SLC44A2: variants seen among roughly 807,000 people sequenced by gnomAD.
The protein encoded by SLC44A2 is solute carrier family 44 member 2 (CTL2 blood group).
SLC44A2 carries 57 observed loss-of-function variants against 90.8 expected under a neutral mutation model. The ratio of observed to expected loss-of-function variants is 0.63; its 90% CI spans 0.51 to 0.78. The LOEUF is 0.78. Ranked by LOEUF, SLC44A2 falls within the 30% of genes least tolerant of loss-of-function variation. The pLI is 0.00. For missense variants in SLC44A2, 794 were observed against 919.7 expected (o/e 0.86, Z 1.77); for synonymous variants, 355 against 360.7 (o/e 0.98, Z 0.18).
chr19:10,634,610 G>A (rs2067033439), intron 10 of SLC44A2, 146 bp from the exon 11 acceptor site: 4 of 1,084,302 alleles, frequency 3.7e-6, no homozygotes, highest in South Asian at 2.9e-5. Context: ...CATGGGGAGA[G>A]AATGCACCGG....
rs1243110984 is a variant in SLC44A2 at position 10,637,902 on chromosome 19, T to C, written c.1742T>C (p.Phe581Ser). 4 of 1,614,002 alleles carry C rather than the reference T, an allele frequency of 2.5e-6. No homozygotes were observed. In the African/African-American group the frequency reaches 5.3e-5, roughly 22 times the overall value. Reference sequence around the variant, plus strand: ...TTCTGCACCTCGGCCAGGAATGCCTTCTTCCTGCTCATGAGAAACATCATC... The same window carrying C: ...TTCTGCACCTCGGCCAGGAATGCCTCCTTCCTGCTCATGAGAAACATCATC... ...TNFCTSARNA[F>S]FLLMRNIIRV... The change falls in exon 18 of 22, where the codon TTC becomes TCC. Residue 581 changes from phenylalanine to serine, a missense_variant. By Grantham distance (155) the Phe-to-Ser change is radical. Transcript: ENST00000335757.
intron 16 of SLC44A2, chr19:10,637,027 G>A: frequency 2.2e-6 from 1 of 463,614 alleles, no homozygotes; most frequent in South Asian, 2.9e-5. Context: ...GTGAATTGGA[G>A]TGGTATATAT....
chr19:10,633,989 G>A (rs865824119), intron 10 of SLC44A2, among the ~76,000 whole-genome samples: 16 of 18,912 alleles, frequency 8.5e-4, no homozygotes, highest in Non-Finnish European at 1.3e-3. Context: ...TTTTTTTTTT[G>A]AGACAGAGTC....
chr19:10,612,513 C>T (rs1193540749), intron 1 of SLC44A2, among the ~76,000 whole-genome samples: 1 of 152,204 alleles, frequency 6.6e-6, no homozygotes, highest in Admixed American at 6.6e-5. Flanking sequence ...TGTCCTCAAA[C>T]CCTTTGTCAA....
intron 1 of SLC44A2, among the ~76,000 whole-genome samples, chr19:10,615,037 G>C (rs1238132466): frequency 6.8e-6 from 1 of 147,954 alleles, no homozygotes; most frequent in Non-Finnish European, 1.5e-5. Flanking sequence ...AAAAGTAATT[G>C]CGTTTTTTTT....
chr19:10,619,564 G>C (rs760250002), intron 1 of SLC44A2, among the ~76,000 whole-genome samples: 51 of 151,886 alleles, frequency 3.4e-4, no homozygotes, highest in Admixed American at 2.1e-3. Context: ...GCCCAGGCTA[G>C]TGTTGAACTC....
At chr19:10,620,642 G>T (rs568472971), upstream of SLC44A2, among the ~76,000 whole-genome samples, 1 of 152,076 alleles carries the variant, frequency 6.6e-6, no homozygotes. Flanking sequence ...TACTGGGGAC[G>T]CAGCCGGAAT....
rs199917631 is a variant in SLC44A2 at position 10,636,528 on chromosome 19, G to A, written c.1439G>A (p.Arg480His). The A allele has an allele frequency of 1.9e-6, 3 of 1,610,128 alleles. No individual in the cohort carries two copies. Among genetic ancestry groups the A allele is most frequent in the Non-Finnish European group, 2.5e-6 (3 of 1,179,684 alleles). Residue 480 changes from arginine (R) to histidine (H), a missense_variant, in exon 15 of 22, where the codon CGC becomes CAC. This residue lies in a region of SLC44A2 where 738 missense variants were observed against 841.1 expected (regional missense o/e 0.88). Transcript: ENST00000335757. ...TTTGCCTCCTACTACTGGGCCCTGC[G>A]CAAGCCGGACGACCTGCCGGCCTTC... The part of the protein sequence containing the change: ...GAFASYYWAL[R>H]KPDDLPAFPL...
chr19:10,629,065 A>ATTT (rs1360473813), intron 4 of SLC44A2, among the ~76,000 whole-genome samples: 4 of 151,618 alleles, frequency 2.6e-5, no homozygotes, highest in Non-Finnish European at 1.5e-5. Context: ...TTAGCTGGGC[A>ATTT]TTGTGGCATG....
At chr19:10,618,129 C>T (rs1447826326) in intron 1 of SLC44A2, among the ~76,000 whole-genome samples, 1 of 151,692 alleles carries the variant, frequency 6.6e-6, no homozygotes, top group Non-Finnish European at 1.5e-5. Flanking sequence ...CTCAAACTCC[C>T]GAGTAGCTGG....
chr19:10,635,683 C>T (rs1191223100), intron 14 of SLC44A2, 168 bp downstream of exon 14: 7 of 585,478 alleles, frequency 1.2e-5, no homozygotes, highest in East Asian at 6.2e-5. Flanking sequence ...CTAACTGGAT[C>T]GAACAACTTC....
intron 16 of SLC44A2, 34 bp from the exon 17 acceptor site, chr19:10,637,610 C>G: frequency 6.3e-7 from 1 of 1,586,686 alleles, no homozygotes; most frequent in Non-Finnish European, 8.7e-7. Context: ...GGCTGGTGTC[C>G]CCTCACTTCC....
At chr19:10,613,047 G>C (rs767877245) in intron 1 of SLC44A2, among the ~76,000 whole-genome samples, 1 of 151,622 alleles carries the variant, frequency 6.6e-6, no homozygotes, top group Non-Finnish European at 1.5e-5. Context: ...TTTTTGTTTT[G>C]TTATTTTTAT....
At chr19:10,613,373 C>T (rs2066829046) in intron 1 of SLC44A2, among the ~76,000 whole-genome samples, 1 of 152,070 alleles carries the variant, frequency 6.6e-6, no homozygotes, top group South Asian at 2.1e-4. Context: ...CCTCAGCCTC[C>T]CGAGTAGCTG....
chr19:10,631,353 C>G lies in SLC44A2; in HGVS notation c.409C>G (p.Gln137Glu). The G allele has an allele frequency of 6.2e-7, 1 of 1,614,178 alleles. No homozygotes were observed. Among genetic ancestry groups the G allele is most frequent in the Admixed American group, 1.7e-5 (1 of 59,994 alleles). The change falls in exon 6 of 22, where the codon CAG becomes GAG. Residue 137 changes from glutamine (Q) to glutamate (E), a missense_variant. Gln to Glu is a conservative substitution (Grantham distance 29). Coordinates refer to ENST00000335757, the MANE Select transcript of SLC44A2 (RefSeq NM_020428.4). The stretch of plus-strand genomic sequence containing the variant: ...CTCCCGGGACTTTGAGTACTATAAG[C>G]AGTTCTGTGTTCCTGGCTTCAAGAA... ...RSSRDFEYYK[Q>E]FCVPGFKNNK...
chr19:10,638,403 G>T (rs978766629), intron 20 of SLC44A2, 88 bp downstream of exon 20: 1 of 1,185,410 alleles, frequency 8.4e-7, no homozygotes, highest in African/African-American at 1.5e-5. Context: ...AATGTGGATA[G>T]AGGTCAGAGG....
chr19:10,625,908 G>C (rs950450792), intron 1 of SLC44A2, among the ~76,000 whole-genome samples: 1 of 151,998 alleles, frequency 6.6e-6, no homozygotes, highest in Non-Finnish European at 1.5e-5. Flanking sequence ...CCTCTGCCTG[G>C]CACTGCTGCC....
chr19:10,604,402 T>C (rs1918042374), intron 1 of SLC44A2, among the ~76,000 whole-genome samples: 1 of 152,200 alleles, frequency 6.6e-6, no homozygotes, highest in Non-Finnish European at 1.5e-5. Flanking sequence ...TTGCTTGAAG[T>C]AGGGGTTTTG....
At chr19:10,626,379 G>A in intron 2 of SLC44A2, 78 bp downstream of exon 2, 2 of 1,075,458 alleles carry the variant, frequency 1.9e-6, no homozygotes, top group East Asian at 2.4e-5. Context: ...CCTCCCATCT[G>A]TTCTCCAACA....
Sources: allele counts gnomAD v4.1 joint callset (sites outside exome capture counted in the v4.1 genomes callset), GRCh38; gene constraint gnomAD v4.1.1; regional missense constraint gnomAD v4.1.1; transcripts MANE v1.5; gene names NCBI Gene and HGNC (gene_info 2026-07-23, HGNC 2026-07-21).